RASGRF2: variants seen among roughly 807,000 people sequenced by gnomAD.
RASGRF2 encodes Ras protein specific guanine nucleotide releasing factor 2.
Under a neutral mutation model 151.0 loss-of-function variants are expected in RASGRF2, and 76 were observed. The observed-to-expected ratio is 0.50, with a 90% CI of 0.42 to 0.61. RASGRF2 has a LOEUF of 0.61. Among genes scored for constraint, RASGRF2 ranks in the 20% least tolerant of loss-of-function variants. The pLI, the probability that RASGRF2 is intolerant of heterozygous loss-of-function variation, is 0.00. For missense variants in RASGRF2, 1,148 were observed against 1,564.6 expected (o/e 0.73, Z 4.49); for synonymous variants, 504 against 566.5 (o/e 0.89, Z 1.57).
chr5:81,182,584 C>T (rs1754940830), intron 18 of RASGRF2, among the ~76,000 whole-genome samples: 2 of 152,144 alleles, frequency 1.3e-5, no homozygotes, highest in Non-Finnish European at 2.9e-5. Context: ...CATTTGGCCT[C>T]CACAATGGGT....
At chr5:81,025,174 C>A (rs1382978948) in intron 1 of RASGRF2, among the ~76,000 whole-genome samples, 2 of 152,360 alleles carry the variant, frequency 1.3e-5, no homozygotes, top group East Asian at 3.9e-4. Flanking sequence ...CTGCAAGCTG[C>A]CCTTTTCGCT....
Position 81,073,657 on chromosome 5 carries a change from C to T in RASGRF2, c.887+205C>T, listed in dbSNP as rs190303117. Among the ~76,000 whole-genome samples, 362 of 151,824 alleles carry T rather than the reference C, an allele frequency of 2.4e-3. 3 individuals are homozygous for T. The highest frequency in any genetic ancestry group is 7.7e-3 in the African/African-American group (318 of 41,402). ...TTTTTGAGATGGAGTCTTGCTCTGT[C>T]GCCCAGGCTGGAGTGCAGTGGCACA... is the stretch of plus-strand genomic sequence containing the variant. On this transcript the variant is annotated intron_variant, in intron 5 of 26. Coordinates refer to ENST00000265080, the MANE Select transcript of RASGRF2 (RefSeq NM_006909.3).
At chr5:81,117,145 G>C (rs898376685) in intron 15 of RASGRF2, among the ~76,000 whole-genome samples, 2 of 152,200 alleles carry the variant, frequency 1.3e-5, no homozygotes, top group African/African-American at 2.4e-5. Context: ...AGCTGCTTGA[G>C]CTACTGTCTA....
In RASGRF2 at chr5:81,030,151, T is replaced by C. The variant is rs533430079; in HGVS notation, c.289-12726T>C. Among the ~76,000 whole-genome samples, 16 of 152,284 alleles carry C rather than the reference T, an allele frequency of 1.1e-4. No individual in the cohort carries two copies. The Middle Eastern group carries it at 0.01, about 97-fold the overall frequency. ...AAAGCCTTCAAGAAATATGGGACTA[T>C]GTGAAACAAAATCTACGTCTGATTG... On this transcript the variant is annotated intron_variant, in intron 1 of 26. Coordinates refer to ENST00000265080, the MANE Select transcript of RASGRF2 (RefSeq NM_006909.3).
chr5:81,027,893 T>C (rs906819232), intron 1 of RASGRF2, among the ~76,000 whole-genome samples: 1 of 152,202 alleles, frequency 6.6e-6, no homozygotes, highest in Non-Finnish European at 1.5e-5. Flanking sequence ...CTGGGAACTA[T>C]GTTGAGGTCG....
chr5:81,080,121 T>TGAA lies in RASGRF2; in HGVS notation c.889_891dup (p.Glu297dup), dbSNP rs763696660. Reference sequence around the variant, plus strand: ...TATATTATTTTTCCTTTTTTTATAGTGAAACAATCATGTTTCTTCATGAAA... The same window carrying TGAA: ...TATATTATTTTTCCTTTTTTTATAGTGAAGAAACAATCATGTTTCTTCATGAAA... On this transcript the variant is annotated inframe_insertion and splice_region_variant, in exon 6 of 27. Coordinates refer to ENST00000265080, the MANE Select transcript of RASGRF2 (RefSeq NM_006909.3). The TGAA allele has an allele frequency of 1.3e-6, 2 of 1,593,082 alleles. No homozygotes were observed. Among genetic ancestry groups the TGAA allele is most frequent in the South Asian group, 2.3e-5 (2 of 85,704 alleles).
intron 18 of RASGRF2, among the ~76,000 whole-genome samples, chr5:81,183,538 T>C (rs1418357190): frequency 6.6e-6 from 1 of 152,212 alleles, no homozygotes; most frequent in African/African-American, 2.4e-5. Context: ...GTTCCATTTT[T>C]AGGGGGTTCT....
chr5:81,077,971 A>G (rs1025510053), intron 5 of RASGRF2, among the ~76,000 whole-genome samples: 1 of 152,218 alleles, frequency 6.6e-6, no homozygotes, highest in South Asian at 2.1e-4. Context: ...TCTCTTTGGA[A>G]GGTAAAGCTA....
In RASGRF2 at chr5:81,188,974, A is replaced by G. The variant is rs75377814; in HGVS notation, c.2793+8693A>G. 1.9e-3 allele frequency among the ~76,000 whole-genome samples: 295 copies of G among 152,362 alleles called. 3 individuals are homozygous for G. Among genetic ancestry groups the G allele is most frequent in the African/African-American group, 6.6e-3 (273 of 41,588 alleles). On this transcript the variant is annotated intron_variant, in intron 18 of 26. Coordinates refer to ENST00000265080, the MANE Select transcript of RASGRF2 (RefSeq NM_006909.3). ...AGAATAGCACATGTCAACACTGCCA[A>G]TGCTTTCCCTGTTTCTCAATCTTTC... is the stretch of plus-strand genomic sequence containing the variant.
chr5:81,041,713 G>A (rs948543740), intron 1 of RASGRF2, among the ~76,000 whole-genome samples: 11 of 152,084 alleles, frequency 7.2e-5, no homozygotes, highest in South Asian at 2.1e-4. Flanking sequence ...TTTTATCTTC[G>A]TATTTATAGT....
chr5:81,087,019 C>A lies in RASGRF2; in HGVS notation c.1390+66C>A, dbSNP rs1752251825. ...GCGGCTGTCACATGATCTCGGCACACCCCGGAAGGCGTTCTGAACAGGCGT... is the reference window on the plus strand; with the variant it reads ...GCGGCTGTCACATGATCTCGGCACAACCCGGAAGGCGTTCTGAACAGGCGT... On this transcript the variant is annotated intron_variant, in intron 9 of 26. Transcript: ENST00000265080. 2.8e-6 allele frequency: 4 copies of A among 1,407,032 alleles called. No individual in the cohort carries two copies. In the Admixed American group the frequency reaches 5.1e-5, roughly 18 times the overall value. The allele number at this position is 1,407,032 out of a possible 1,614,324, so 87.2% of individuals were successfully genotyped here. A position where few individuals can be genotyped will look rare whatever the true frequency, so the allele number is the denominator to read the frequency against.
intron 18 of RASGRF2, among the ~76,000 whole-genome samples, chr5:81,189,744 G>C (rs1417023059): frequency 7.4e-6 from 1 of 134,282 alleles, no homozygotes; most frequent in Non-Finnish European, 1.5e-5. Context: ...ACAGAGTCTC[G>C]CTCTGTCTCC....
chr5:81,072,987 G>A, intron 4 of RASGRF2, among the ~76,000 whole-genome samples: 1 of 152,214 alleles, frequency 6.6e-6, no homozygotes, highest in Middle Eastern at 3.2e-3. Flanking sequence ...AAGATGATCA[G>A]TAAATGTTTG....
chr5:81,087,255 G>T (rs1263703299), intron 9 of RASGRF2: 1 of 703,066 alleles, frequency 1.4e-6, no homozygotes, highest in Non-Finnish European at 2.6e-6. Context: ...GGTCGGCCTG[G>T]CCCACGGCCG....
intron 1 of RASGRF2, among the ~76,000 whole-genome samples, chr5:81,038,397 G>T (rs910770919): frequency 1.3e-5 from 2 of 150,320 alleles, no homozygotes; most frequent in Non-Finnish European, 3.0e-5. Context: ...CCATCTAATG[G>T]GAATGAACTG....
chr5:81,049,161 TAAAA>T (rs3991140), intron 2 of RASGRF2, among the ~76,000 whole-genome samples: 46 of 116,830 alleles, frequency 3.9e-4, no homozygotes, highest in African/African-American at 1.4e-3. Context: ...GCAAGTTCCC[TAAAA>T]AAAAAAAAAA....
At chr5:81,153,165 T>C (rs1405249177) in intron 17 of RASGRF2, among the ~76,000 whole-genome samples, 3 of 152,192 alleles carry the variant, frequency 2.0e-5, no homozygotes, top group Admixed American at 6.5e-5. Flanking sequence ...TAAGTAAAGA[T>C]ACCAGCATTG....
intron 1 of RASGRF2, among the ~76,000 whole-genome samples, chr5:80,983,799 A>G (rs1475285359): frequency 6.6e-6 from 1 of 152,198 alleles, no homozygotes; most frequent in Non-Finnish European, 1.5e-5. Flanking sequence ...TAAATTTTTT[A>G]TTTGATTACA....
chr5:81,134,698 T>A (rs1411103005), intron 17 of RASGRF2, among the ~76,000 whole-genome samples: 1 of 152,224 alleles, frequency 6.6e-6, no homozygotes, highest in African/African-American at 2.4e-5. Context: ...GACTCCATAT[T>A]ACTTGTAGTA....
Sources: allele counts gnomAD v4.1 joint callset (sites outside exome capture counted in the v4.1 genomes callset), GRCh38; gene constraint gnomAD v4.1.1; transcripts MANE v1.5; gene names NCBI Gene and HGNC (gene_info 2026-07-23, HGNC 2026-07-21).